Variants in SPAG16 observed in about 807,000 individuals in gnomAD.
SPAG16 encodes sperm-associated antigen 16 protein.
In SPAG16, 86 loss-of-function variants were observed where a neutral mutation model predicts 80.4. That is an observed-to-expected ratio of 1.07 (90% CI 0.90 to 1.28). SPAG16 has a LOEUF of 1.28. SPAG16 is among the 50% of genes most tolerant of loss of function. The probability of loss-of-function intolerance (pLI) is 0.00; values close to 1 mark genes in which losing one functional copy is unlikely to be tolerated. For missense variants in SPAG16, 870 were observed against 765.3 expected (o/e 1.14, Z -1.61); for synonymous variants, 294 against 265.9 (o/e 1.11, Z -1.03).
At chr2:213,878,715 TA>T (rs2076233222) in intron 11 of SPAG16, among the ~76,000 whole-genome samples, 2 of 152,162 alleles carry the variant, frequency 1.3e-5, no homozygotes, top group Admixed American at 1.3e-4. Flanking sequence ...GTCTTAGTCA[TA>T]AATTCTTTGC....
chr2:213,506,684 A>T (rs2074983219), intron 10 of SPAG16, among the ~76,000 whole-genome samples: 1 of 152,156 alleles, frequency 6.6e-6, no homozygotes, highest in African/African-American at 2.4e-5. Context: ...TACCAATATA[A>T]ATTGGGATGC....
intron 6 of SPAG16, among the ~76,000 whole-genome samples, chr2:213,348,748 C>G (rs1209371041): frequency 6.6e-6 from 1 of 152,256 alleles, no homozygotes; most frequent in African/African-American, 2.4e-5. Context: ...AGGAGATCAG[C>G]TGTTAGTCTG....
intron 5 of SPAG16, among the ~76,000 whole-genome samples, chr2:213,324,485 T>TTAGA (rs2063761300): frequency 1.3e-5 from 2 of 152,280 alleles, no homozygotes; most frequent in South Asian, 4.1e-4. Context: ...TTAGTTTTGT[T>TTAGA]TGAGAATTTC....
At chr2:214,338,423 G>C (rs1462419930) in intron 15 of SPAG16, among the ~76,000 whole-genome samples, 2 of 152,032 alleles carry the variant, frequency 1.3e-5, no homozygotes, top group East Asian at 3.9e-4. Context: ...CTGAGGCAAA[G>C]AATCATTTGA....
At chr2:213,525,628 G>C (rs2075861618) in intron 10 of SPAG16, among the ~76,000 whole-genome samples, 2 of 152,030 alleles carry the variant, frequency 1.3e-5, no homozygotes, top group Non-Finnish European at 2.9e-5. Context: ...TCTCAGGCAT[G>C]TATTTATTAG....
At chr2:213,824,188 GT>G (rs2073128724) in intron 10 of SPAG16, among the ~76,000 whole-genome samples, 1 of 152,162 alleles carries the variant, frequency 6.6e-6, no homozygotes, top group African/African-American at 2.4e-5. Flanking sequence ...CCCATTGTTT[GT>G]TTTTGTCAGG....
At chr2:213,475,436 T>C (rs1359211071) in intron 9 of SPAG16, among the ~76,000 whole-genome samples, 3 of 152,158 alleles carry the variant, frequency 2.0e-5, no homozygotes, top group Non-Finnish European at 2.9e-5. Flanking sequence ...AGGATACACT[T>C]GAGGGGAGTG....
chr2:213,648,792 G>A (rs1050577377), intron 10 of SPAG16, among the ~76,000 whole-genome samples: 1 of 152,078 alleles, frequency 6.6e-6, no homozygotes, highest in South Asian at 2.1e-4. Flanking sequence ...AAAAATTCCA[G>A]GAAAGTACTC....
At chr2:213,988,645 T>C (rs534759267) in intron 12 of SPAG16, among the ~76,000 whole-genome samples, 1 of 151,826 alleles carries the variant, frequency 6.6e-6, no homozygotes, top group East Asian at 1.9e-4. Flanking sequence ...ATACTAGCCA[T>C]GCACAATTGT....
chr2:213,481,816 T>C lies in SPAG16; in HGVS notation c.943-8147T>C, dbSNP rs182956888. Among the ~76,000 whole-genome samples the C allele has an allele frequency of 2.1e-3, 327 of 152,354 alleles. 2 individuals are homozygous for C. The highest frequency in any genetic ancestry group is 7.5e-3 in the African/African-American group (310 of 41,574). ...CAAATGAATTGGATCATTATTCCCA[T>C]TTCTCAGAAAAGGTCTGTGCAAGAG... On this transcript the variant is annotated intron_variant, in intron 9 of 15. Coordinates refer to ENST00000331683, the MANE Select transcript of SPAG16 (RefSeq NM_024532.5).
At chr2:213,674,773 C>A (rs1335982073) in intron 10 of SPAG16, among the ~76,000 whole-genome samples, 3 of 150,370 alleles carry the variant, frequency 2.0e-5, no homozygotes, top group African/African-American at 7.5e-5. Context: ...TTTTCTTAAT[C>A]CAGTCTATCA....
At chr2:213,932,260 G>GA (rs2078796765) in intron 12 of SPAG16, among the ~76,000 whole-genome samples, 1 of 149,182 alleles carries the variant, frequency 6.7e-6, no homozygotes, top group Middle Eastern at 3.5e-3. Context: ...ACCCAGGCTA[G>GA]AGTGCAGTGG....
intron 11 of SPAG16, among the ~76,000 whole-genome samples, chr2:213,878,817 T>C (rs1364192551): frequency 6.6e-6 from 1 of 152,166 alleles, no homozygotes; most frequent in East Asian, 1.9e-4. Context: ...CTTAAGTTGA[T>C]TTTTGTATAT....
chr2:213,914,430 T>C (rs1281749049), intron 11 of SPAG16, among the ~76,000 whole-genome samples: 1 of 152,170 alleles, frequency 6.6e-6, no homozygotes, highest in Non-Finnish European at 1.5e-5. Flanking sequence ...ATTTATTTTA[T>C]TACTCTTCAA....
chr2:214,114,465 G>C (rs920469615), intron 14 of SPAG16, among the ~76,000 whole-genome samples: 2 of 151,862 alleles, frequency 1.3e-5, no homozygotes, highest in African/African-American at 4.8e-5. Flanking sequence ...AGTAGGCCTT[G>C]CTTTTTGGGC....
chr2:213,806,919 C>T (rs1022302345), intron 10 of SPAG16, among the ~76,000 whole-genome samples: 15 of 152,014 alleles, frequency 9.9e-5, no homozygotes, highest in Admixed American at 6.6e-5. Flanking sequence ...CAGTAAATGC[C>T]ATGGCTAATT....
chr2:214,258,471 G>GTGTATATATATA lies in SPAG16; in HGVS notation c.1720+109206_1720+109207insGTATATATATAT, dbSNP rs1553539128. Among the ~76,000 whole-genome samples the GTGTATATATATA allele has an allele frequency of 5.7e-5, 8 of 141,446 alleles. No individual in the cohort carries two copies. In the East Asian group the frequency reaches 1.4e-3, roughly 26 times the overall value. 92.8% of individuals were successfully genotyped at this position (141,446 alleles called of 152,430 possible). Reference sequence around the variant, plus strand: ...ACAGTGTGTGTATGTATGTGTGTGTGTATATATATATATATATATACACAC... The same window carrying GTGTATATATATA: ...ACAGTGTGTGTATGTATGTGTGTGTGTGTATATATATATATATATATATATATATATACACAC... On this transcript the variant is annotated intron_variant, in intron 15 of 15. Transcript: ENST00000331683.
intron 15 of SPAG16, among the ~76,000 whole-genome samples, chr2:214,313,775 A>G (rs1367845421): frequency 6.6e-6 from 1 of 152,116 alleles, no homozygotes; most frequent in East Asian, 1.9e-4. Flanking sequence ...TAAATACCAC[A>G]TTCAGGATAA....
chr2:213,417,966 C>T (rs755057345), intron 9 of SPAG16, among the ~76,000 whole-genome samples: 1 of 151,872 alleles, frequency 6.6e-6, no homozygotes, highest in Non-Finnish European at 1.5e-5. Flanking sequence ...ATCTGCTTCC[C>T]AGGTTCAAGC....
Sources: allele counts gnomAD v4.1 joint callset (sites outside exome capture counted in the v4.1 genomes callset), GRCh38; gene constraint gnomAD v4.1.1; transcripts MANE v1.5; gene names NCBI Gene and HGNC (gene_info 2026-07-23, HGNC 2026-07-21).